The following PCDHGA8 variants were observed in gnomAD, a reference collection of about 807,000 sequenced individuals.
PCDHGA8 encodes the protein protocadherin gamma-A8.
PCDHGA8 carries 45 observed loss-of-function variants against 59.2 expected under a neutral mutation model. That is an observed-to-expected ratio of 0.76 (90% CI 0.60 to 0.98). The LOEUF is 0.98. PCDHGA8 is among the 50% of genes least tolerant of loss of function. The probability of loss-of-function intolerance (pLI) is 0.00; values close to 1 mark genes in which losing one functional copy is unlikely to be tolerated. For synonymous variants in PCDHGA8, 531 were observed against 519.0 expected, an observed-to-expected ratio of 1.02 and a Z score of -0.32; for missense variants, 1,257 against 1,196.2, an observed-to-expected ratio of 1.05 and a Z score of -0.75.
intron 1 of PCDHGA8, chr5:141,478,893 T>G (rs1469313900): frequency 1.8e-6 from 2 of 1,102,894 alleles, no homozygotes; most frequent in Admixed American, 3.1e-5. Flanking sequence ...TCATTTACAT[T>G]AGGAATAAGC....
chr5:141,397,602 G>T (rs2150712888), intron 1 of PCDHGA8, among the ~76,000 whole-genome samples: 1 of 152,296 alleles, frequency 6.6e-6, no homozygotes, highest in African/African-American at 2.4e-5. Flanking sequence ...TATTGCCAGT[G>T]ACAAGGGCAA....
intron 1 of PCDHGA8, among the ~76,000 whole-genome samples, chr5:141,452,947 G>C (rs2098752833): frequency 6.6e-6 from 1 of 152,144 alleles, no homozygotes; most frequent in Non-Finnish European, 1.5e-5. Flanking sequence ...GCTTGCAATT[G>C]GTTGTCTTTA....
At chr5:141,504,384 C>G (rs2099837898) in intron 2 of PCDHGA8, among the ~76,000 whole-genome samples, 1 of 152,026 alleles carries the variant, frequency 6.6e-6, no homozygotes, top group South Asian at 2.1e-4. Flanking sequence ...GAGTCGCTGC[C>G]TCACAGAAGC....
chr5:141,469,049 G>A (rs916327969), intron 1 of PCDHGA8, among the ~76,000 whole-genome samples: 3 of 152,054 alleles, frequency 2.0e-5, no homozygotes, highest in African/African-American at 2.4e-5. Context: ...GGCCAAGGTG[G>A]GAGGATTGCT....
intron 1 of PCDHGA8, chr5:141,424,513 T>C (rs1339689551): frequency 6.6e-6 from 1 of 152,224 alleles, no homozygotes; most frequent in Non-Finnish European, 1.5e-5. Context: ...GGTTTTTTAA[T>C]GTAGTAAATC....
At chr5:141,450,815 A>ATTAT (rs1554136868) in intron 1 of PCDHGA8, among the ~76,000 whole-genome samples, 98 of 126,742 alleles carry the variant, frequency 7.7e-4, no homozygotes, top group African/African-American at 3.1e-3. Flanking sequence ...TATTTATTTA[A>ATTAT]TATTATTATT....
At chr5:141,469,629 C>T (rs933972587) in intron 1 of PCDHGA8, among the ~76,000 whole-genome samples, 1 of 152,070 alleles carries the variant, frequency 6.6e-6, no homozygotes, top group Admixed American at 6.6e-5. Context: ...GTTTGTAGTT[C>T]CAAAATATTT....
Position 141,476,996 on chromosome 5 carries a change from C to T in PCDHGA8, c.2425-17811C>T. The T allele has an allele frequency of 6.2e-7, 1 of 1,614,250 alleles. No homozygotes were observed. Among genetic ancestry groups the T allele is most frequent in the Non-Finnish European group, 8.5e-7 (1 of 1,180,052 alleles). On this transcript the variant is annotated intron_variant, in intron 1 of 3. Coordinates refer to ENST00000398604, the MANE Select transcript of PCDHGA8 (RefSeq NM_032088.2). The surrounding 1 kb of genome is among the most constrained non-coding windows in gnomAD (Gnocchi z 7.6). ...CCACAACCGCGCCGGCGTGCGGCAA[C>T]TATTCGCCTTAGACCTTGTAACCGG...
At chr5:141,434,693 T>C (rs2097710124) in intron 1 of PCDHGA8, among the ~76,000 whole-genome samples, 1 of 152,034 alleles carries the variant, frequency 6.6e-6, no homozygotes, top group Non-Finnish European at 1.5e-5. Context: ...TTGCTGTTAA[T>C]AAATATGTGG....
At chr5:141,435,180 C>G (rs1341148119) in intron 1 of PCDHGA8, among the ~76,000 whole-genome samples, 1 of 152,074 alleles carries the variant, frequency 6.6e-6, no homozygotes, top group African/African-American at 2.4e-5. Context: ...TTTAACTACA[C>G]TTGAGATGGC....
In PCDHGA8 at chr5:141,462,383, G is replaced by A. The variant is rs78537075; in HGVS notation, c.2425-32424G>A. Among the ~76,000 whole-genome samples the A allele has an allele frequency of 5.6e-4, 85 of 151,920 alleles. 1 individual carries two copies. In the East Asian group the frequency reaches 0.016, roughly 29 times the overall value. ...GTATAGTTTCTATTCTTTTAAATTC[G>A]TTAACATTTCTTTTATGGCACAGAA... On this transcript the variant is annotated intron_variant, in intron 1 of 3. Transcript: ENST00000398604.
intron 1 of PCDHGA8, chr5:141,421,949 C>T (rs749189262): frequency 6.2e-6 from 10 of 1,612,856 alleles, no homozygotes; most frequent in Non-Finnish European, 6.8e-6. Flanking sequence ...GATCACATCC[C>T]AATGTTTACA....
chr5:141,439,667 C>T (rs149776177), intron 1 of PCDHGA8, among the ~76,000 whole-genome samples: 2,012 of 152,292 alleles, frequency 0.013, 16 homozygotes, highest in Middle Eastern at 0.034. Context: ...TCATGGAATG[C>T]AAATCCAAGA....
intron 1 of PCDHGA8, among the ~76,000 whole-genome samples, chr5:141,465,905 G>A (rs938438286): frequency 6.6e-6 from 1 of 151,958 alleles, no homozygotes; most frequent in Admixed American, 6.6e-5. Flanking sequence ...GGCAAATCAC[G>A]AGGTCAGGAT....
chr5:141,477,749 C>A lies in PCDHGA8; in HGVS notation c.2425-17058C>A, dbSNP rs2099417192. The A allele has an allele frequency of 6.2e-7, 1 of 1,613,786 alleles. No homozygotes were observed. Among genetic ancestry groups the A allele is most frequent in the African/African-American group, 1.3e-5 (1 of 74,928 alleles). ...AGCTCATATCAGCGATGGGGGCACCCCGGTCCTAGCCACCAACATCAGCGT... is the reference window on the plus strand; with the variant it reads ...AGCTCATATCAGCGATGGGGGCACCACGGTCCTAGCCACCAACATCAGCGT... On this transcript the variant is annotated intron_variant, in intron 1 of 3. Coordinates refer to ENST00000398604, the MANE Select transcript of PCDHGA8 (RefSeq NM_032088.2). This position sits in a 1 kb window ranked among gnomAD's most constrained non-coding sequence, Gnocchi z 4.9.
Position 141,490,924 on chromosome 5 carries a change from C to A in PCDHGA8, c.2425-3883C>A. 1 of 1,613,680 alleles carries A rather than the reference C, an allele frequency of 6.2e-7. No individual in the cohort carries two copies. Among genetic ancestry groups the A allele is most frequent in the Non-Finnish European group, 8.5e-7 (1 of 1,179,694 alleles). On this transcript the variant is annotated intron_variant, in intron 1 of 3. Coordinates refer to ENST00000398604, the MANE Select transcript of PCDHGA8 (RefSeq NM_032088.2). The surrounding 1 kb of genome is among the most constrained non-coding windows in gnomAD (Gnocchi z 5.4). ...TGTCCTAGACGAGAATGATAATGCC[C>A]CAGCTGTGCTGCACCCACGGCCAGA...
intron 1 of PCDHGA8, among the ~76,000 whole-genome samples, chr5:141,474,763 A>G (rs2099354251): frequency 6.6e-6 from 1 of 152,254 alleles, no homozygotes; most frequent in Non-Finnish European, 1.5e-5. Flanking sequence ...ATATACAGAA[A>G]TAGTATGAGG....
chr5:141,478,394 G>T (rs2099453142), intron 1 of PCDHGA8: 4 of 1,613,586 alleles, frequency 2.5e-6, no homozygotes, highest in Non-Finnish European at 3.4e-6. Flanking sequence ...TTACCATCAG[G>T]TGTATCTCAC....
chr5:141,405,118 G>T (rs368800698), intron 1 of PCDHGA8: 1 of 1,613,946 alleles, frequency 6.2e-7, no homozygotes, highest in Non-Finnish European at 8.5e-7. Context: ...GGCACTCCTC[G>T]CATCTGCTGC....
Sources: allele counts gnomAD v4.1 joint callset (sites outside exome capture counted in the v4.1 genomes callset), GRCh38; gene constraint gnomAD v4.1.1; non-coding constraint Gnocchi (gnomAD v3.1); transcripts MANE v1.5; gene names NCBI Gene and HGNC (gene_info 2026-07-23, HGNC 2026-07-21).